The following NIPAL2 variants were observed in gnomAD, a reference collection of about 807,000 sequenced individuals.
The protein encoded by NIPAL2 is NIPA-like protein 2.
NIPAL2 carries 43 observed loss-of-function variants against 48.9 expected under a neutral mutation model. The ratio of observed to expected loss-of-function variants is 0.88; its 90% CI spans 0.69 to 1.13. The LOEUF (loss-of-function observed/expected upper bound fraction) is 1.13. NIPAL2 is among the 50% of genes most tolerant of loss of function. The pLI, the probability that NIPAL2 is intolerant of heterozygous loss-of-function variation, is 0.00. For synonymous variants in NIPAL2, 167 were observed against 174.6 expected, an observed-to-expected ratio of 0.96 and a Z score of 0.34; for missense variants, 446 against 461.4, an observed-to-expected ratio of 0.97 and a Z score of 0.31.
At chr8:98,213,969 A>T (rs146918335) in intron 5 of NIPAL2, among the ~76,000 whole-genome samples, 60 of 152,316 alleles carry the variant, frequency 3.9e-4, no homozygotes, top group African/African-American at 1.3e-3. Context: ...TGCCTGGCAT[A>T]CAGTCGGTCA....
intron 4 of NIPAL2, among the ~76,000 whole-genome samples, chr8:98,230,704 T>C (rs1812400370): frequency 6.6e-6 from 1 of 152,190 alleles, no homozygotes; most frequent in South Asian, 2.1e-4. Context: ...TAGATACCTG[T>C]GCACCAAAAA....
intron 2 of NIPAL2, 95 bp from the exon 3 acceptor site, chr8:98,252,729 G>A: frequency 9.7e-7 from 1 of 1,025,772 alleles, no homozygotes; most frequent in Non-Finnish European, 1.4e-6. Context: ...CTTTTTATAA[G>A]AACGCTAATT....
At chr8:98,222,279 C>G (rs958969450) in intron 5 of NIPAL2, among the ~76,000 whole-genome samples, 200 bp downstream of exon 5, 1 of 151,988 alleles carries the variant, frequency 6.6e-6, no homozygotes, top group Non-Finnish European at 1.5e-5. Flanking sequence ...GGAAATTGTT[C>G]CAGGAAAGGA....
intron 4 of NIPAL2, 80 bp downstream of exon 4, chr8:98,236,075 C>A (rs1052704507): frequency 1.0e-6 from 1 of 1,004,566 alleles, no homozygotes; most frequent in Non-Finnish European, 1.5e-6. Context: ...CAGTTTTTAT[C>A]GCACATATTT....
In NIPAL2 at chr8:98,257,460, T is replaced by C. The variant is rs930531327; in HGVS notation, c.136-3373A>G. On this transcript the variant is annotated intron_variant, in intron 1 of 10. Coordinates refer to ENST00000430223, the MANE Select transcript of NIPAL2 (RefSeq NM_001321635.2). ...TTTTAGTAGAGACAGGGTTTCACCA[T>C]GTTGGCCAGGATGGTCTCGATCTCT... 3.9e-5 allele frequency among the ~76,000 whole-genome samples: 6 copies of C among 152,046 alleles called. No homozygotes were observed. The East Asian group carries it at 7.8e-4, about 20-fold the overall frequency.
rs374947941 is a variant in NIPAL2, at chr8:98,255,222, A to T, written c.136-1135T>A. Among the ~76,000 whole-genome samples, 4 of 152,366 alleles carry T rather than the reference A, an allele frequency of 2.6e-5. No individual in the cohort carries two copies. The East Asian group carries it at 5.8e-4, about 22-fold the overall frequency. On this transcript the variant is annotated intron_variant, in intron 1 of 10. Transcript: ENST00000430223. ...ACGTTGCCCAAGATGTTTATCATAG[A>T]TAGCTCATGTATTATTTAACGATTT...
chr8:98,200,073 C>T (rs1810732509), intron 8 of NIPAL2, among the ~76,000 whole-genome samples: 2 of 152,176 alleles, frequency 1.3e-5, no homozygotes, highest in Admixed American at 6.5e-5. Flanking sequence ...CCGCCTCAGC[C>T]TCCTGAGTAG....
At chr8:98,268,680 C>CA (rs1814929159) in intron 1 of NIPAL2, among the ~76,000 whole-genome samples, 1 of 150,542 alleles carries the variant, frequency 6.6e-6, no homozygotes, top group Non-Finnish European at 1.5e-5. Flanking sequence ...TAGGAATGAG[C>CA]AAAATTATAC....
chr8:98,276,156 G>A (rs985692497), intron 1 of NIPAL2, among the ~76,000 whole-genome samples: 1 of 152,160 alleles, frequency 6.6e-6, no homozygotes, highest in South Asian at 2.1e-4. Context: ...TGCTCTATTG[G>A]TTTTGGTAAA....
At chr8:98,219,986 TA>T (rs1359763633) in intron 5 of NIPAL2, among the ~76,000 whole-genome samples, 1 of 151,926 alleles carries the variant, frequency 6.6e-6, no homozygotes, top group East Asian at 1.9e-4. Context: ...ATTCTTGGTA[TA>T]AATGGCAGGA....
chr8:98,217,067 CTT>C (rs1420501115), intron 5 of NIPAL2: 3 of 985,348 alleles, frequency 3.0e-6, no homozygotes, highest in Non-Finnish European at 3.6e-6. Flanking sequence ...CTCCACTCCT[CTT>C]TGCATTTTGG....
chr8:98,195,160 C>G (rs1202065491), intron 9 of NIPAL2, among the ~76,000 whole-genome samples: 1 of 152,212 alleles, frequency 6.6e-6, no homozygotes, highest in African/African-American at 2.4e-5. Context: ...ATAATTTATT[C>G]TTTAATTTTC....
chr8:98,193,254 C>T (rs574546748), intron 10 of NIPAL2, 164 bp from the exon 11 acceptor site: 39 of 1,135,640 alleles, frequency 3.4e-5, no homozygotes, highest in East Asian at 4.7e-5. Flanking sequence ...GCCCTTGAAA[C>T]GCCATGTCTG....
At chr8:98,278,243 T>A (rs140845633) in intron 1 of NIPAL2, among the ~76,000 whole-genome samples, 198 of 152,304 alleles carry the variant, frequency 1.3e-3, no homozygotes, top group African/African-American at 4.6e-3. Context: ...TTTGTTTGTT[T>A]GTTTTGTTTT....
At chr8:98,238,072 C>G (rs2130794971) in intron 3 of NIPAL2, among the ~76,000 whole-genome samples, 1 of 152,322 alleles carries the variant, frequency 6.6e-6, no homozygotes, top group South Asian at 2.1e-4. Context: ...ACTGGACTCT[C>G]TCCCTCACAG....
chr8:98,243,798 G>C (rs1466687554), intron 3 of NIPAL2, among the ~76,000 whole-genome samples: 1 of 152,152 alleles, frequency 6.6e-6, no homozygotes, highest in Non-Finnish European at 1.5e-5. Context: ...TTAGAACCCT[G>C]TGTCTGTAGA....
chr8:98,246,907 A>G (rs1015435136), intron 3 of NIPAL2, among the ~76,000 whole-genome samples: 1 of 152,208 alleles, frequency 6.6e-6, no homozygotes, highest in African/African-American at 2.4e-5. Flanking sequence ...GAAGTCTGCC[A>G]TGAAGCTATT....
intron 5 of NIPAL2, among the ~76,000 whole-genome samples, chr8:98,215,489 C>T (rs1399295545): frequency 6.6e-6 from 1 of 152,180 alleles, no homozygotes; most frequent in Non-Finnish European, 1.5e-5. Flanking sequence ...AGTAACAGCA[C>T]TTACTGTGTG....
rs903343238 is a variant in NIPAL2 at position 98,252,758 on chromosome 8, T to A, written c.205-124A>T. The stretch of plus-strand genomic sequence containing the variant: ...GCTAATTTATTTTTGTATTTTTTTT[T>A]AAGAACGAATACATTTTTGGGGAAT... On this transcript the variant is annotated intron_variant, in intron 2 of 10. Transcript: ENST00000430223. 1.1e-5 allele frequency: 9 copies of A among 794,728 alleles called. No homozygotes were observed. The Admixed American group carries it at 1.8e-4, about 16-fold the overall frequency. The allele number at this position is 794,728 out of a possible 1,614,324, so 49.2% of individuals were successfully genotyped here.
Sources: allele counts gnomAD v4.1 joint callset (sites outside exome capture counted in the v4.1 genomes callset), GRCh38; gene constraint gnomAD v4.1.1; transcripts MANE v1.5; gene names NCBI Gene and HGNC (gene_info 2026-07-23, HGNC 2026-07-21).